The following GNAI1 variants were observed in gnomAD, a reference collection of about 807,000 sequenced individuals.
GNAI1 encodes G protein subunit alpha i1, also known as guanine nucleotide-binding protein G(i) subunit alpha-1.
In GNAI1, 11 loss-of-function variants were observed where a neutral mutation model predicts 38.9. The observed-to-expected ratio is 0.28, with a 90% CI of 0.18 to 0.47. The LOEUF is 0.47. GNAI1 is among the 20% of genes least tolerant of loss of function. GNAI1 has a pLI of 0.99. For missense variants in GNAI1, 317 were observed against 436.9 expected (o/e 0.73, Z 2.45); for synonymous variants, 166 against 145.1 (o/e 1.14, Z -1.04).
intron 3 of GNAI1, among the ~76,000 whole-genome samples, chr7:80,190,788 A>G (rs1788467089): frequency 6.6e-6 from 1 of 152,204 alleles, no homozygotes; most frequent in Non-Finnish European, 1.5e-5. Flanking sequence ...AAAGCGTTGT[A>G]GCCTCCATTT....
rs140567810 is a variant in GNAI1 at position 80,167,545 on chromosome 7, T to C, written c.119-21406T>C. Among the ~76,000 whole-genome samples the C allele has an allele frequency of 7.2e-5, 11 of 152,368 alleles. No homozygotes were observed. The East Asian group carries it at 2.1e-3, about 29-fold the overall frequency. ...TGTAGATAATAGTAACCTATTTTCA[T>C]ATATTTACTAAAAACCACTATAATA... On this transcript the variant is annotated intron_variant, in intron 1 of 7. Transcript: ENST00000649796.
intron 1 of GNAI1, among the ~76,000 whole-genome samples, chr7:80,149,723 CTAGA>C (rs758235534): frequency 1.4e-4 from 22 of 151,968 alleles, no homozygotes; most frequent in African/African-American, 2.4e-4. Context: ...ATTTTTTCAC[CTAGA>C]TAGATTGTTT....
Position 80,143,961 on chromosome 7 carries a change from TG to T in GNAI1, c.118+8684del, listed in dbSNP as rs1333174502. ...ATCTATATGTGTGCATATATGTGTG[TG>T]TGTGTATATATATAGTGAAGACTTC... On this transcript the variant is annotated intron_variant, in intron 1 of 7. Coordinates refer to ENST00000649796, the MANE Select transcript of GNAI1 (RefSeq NM_002069.6). Among the ~76,000 whole-genome samples the T allele has an allele frequency of 1.5e-4, 23 of 152,026 alleles. No individual in the cohort carries two copies. In the South Asian group the frequency reaches 4.1e-3, roughly 27 times the overall value.
rs762651359 is a variant in GNAI1, at chr7:80,221,463, C to T, written c.*3970C>T. Among the ~76,000 whole-genome samples the T allele has an allele frequency of 2.3e-4, 35 of 151,880 alleles. 1 individual carries two copies. Among genetic ancestry groups the T allele is most frequent in the South Asian group, 2.1e-4 (1 of 4,824 alleles). On this transcript the variant is annotated 3_prime_UTR_variant, in exon 8 of 8. Transcript: ENST00000649796. ...GTTGATACGTGCTTTGAATGAAATGCCTCAAAAACAAAACTCTCATAATTC... is the reference window on the plus strand; with the variant it reads ...GTTGATACGTGCTTTGAATGAAATGTCTCAAAAACAAAACTCTCATAATTC...
In GNAI1 at chr7:80,199,270, G is replaced by A; in HGVS notation, c.349G>A (p.Gly117Ser). 1 of 1,613,334 alleles carries A rather than the reference G, an allele frequency of 6.2e-7. No homozygotes were observed. Among genetic ancestry groups the A allele is most frequent in the Non-Finnish European group, 8.5e-7 (1 of 1,179,510 alleles). Residue 117 changes from glycine to serine, a missense_variant, in exon 4 of 8, where the codon GGC becomes AGC. By Grantham distance (56) the Gly-to-Ser change is moderately conservative. Transcript: ENST00000649796. ...TGTGCTAGCTGGAGCTGCTGAAGAA[G>A]GCTTTATGACTGCAGAACTTGCTGG... ...LFVLAGAAEEGFMTAELAGVI... is the reference protein window; with the variant it reads ...LFVLAGAAEESFMTAELAGVI...
chr7:80,169,371 C>T (rs530541563), intron 1 of GNAI1, among the ~76,000 whole-genome samples: 32 of 152,294 alleles, frequency 2.1e-4, no homozygotes, highest in African/African-American at 7.2e-4. Context: ...AAGTAATAGA[C>T]ATGTATCATT....
rs1787385080 is a variant in GNAI1, at chr7:80,135,100, T to C, written c.-61T>C. ...CGCTAGGAGAGAGAAAGGATTCCCC[T>C]GTGCTTGGAGCCCGCACTCGGGCGC... is the stretch of plus-strand genomic sequence containing the variant. On this transcript the variant is annotated 5_prime_UTR_variant, in exon 1 of 8. Transcript: ENST00000649796. The C allele has an allele frequency of 8.5e-7, 1 of 1,170,476 alleles. No individual in the cohort carries two copies. The highest frequency in any genetic ancestry group is 1.2e-6 in the Non-Finnish European group (1 of 856,266). 72.5% of individuals were successfully genotyped at this position (1,170,476 alleles called of 1,614,324 possible).
chr7:80,176,512 G>A (rs918919525), intron 1 of GNAI1, among the ~76,000 whole-genome samples: 1 of 152,212 alleles, frequency 6.6e-6, no homozygotes. Flanking sequence ...TAGCTAGAGA[G>A]GAAAAGTCAG....
intron 1 of GNAI1, among the ~76,000 whole-genome samples, chr7:80,172,705 T>A (rs1424156964): frequency 6.6e-6 from 1 of 152,196 alleles, no homozygotes; most frequent in Non-Finnish European, 1.5e-5. Flanking sequence ...TCCTCCGTAC[T>A]TAAGAATTAT....
At chr7:80,152,061 T>C (rs887137378) in intron 1 of GNAI1, among the ~76,000 whole-genome samples, 4 of 152,188 alleles carry the variant, frequency 2.6e-5, no homozygotes, top group Non-Finnish European at 5.9e-5. Context: ...ATACGCTATT[T>C]CCTTCAGTTT....
chr7:80,168,254 T>G (rs1261180254), intron 1 of GNAI1, among the ~76,000 whole-genome samples: 1 of 152,132 alleles, frequency 6.6e-6, no homozygotes, highest in African/African-American at 2.4e-5. Flanking sequence ...ATTTACTCGG[T>G]TTTTAAAAGA....
In GNAI1 at chr7:80,216,670, A is replaced by AGT. The variant is rs555566378; in HGVS notation, c.875-623_875-622dup. Among the ~76,000 whole-genome samples, 49 of 152,142 alleles carry AGT rather than the reference A, an allele frequency of 3.2e-4. No individual in the cohort carries two copies. The East Asian group carries it at 8.7e-3, about 27-fold the overall frequency. On this transcript the variant is annotated intron_variant, in intron 7 of 7. Coordinates refer to ENST00000649796, the MANE Select transcript of GNAI1 (RefSeq NM_002069.6). Reference sequence around the variant, plus strand: ...TCTAGAAACTGAATTGCGGGGTCAGAGTGTGTGTGTGATTATCTTTAGATA... The same window carrying AGT: ...TCTAGAAACTGAATTGCGGGGTCAGAGTGTGTGTGTGTGATTATCTTTAGATA...
At chr7:80,205,037 C>T (rs1024324526) in intron 5 of GNAI1, among the ~76,000 whole-genome samples, 1 of 152,078 alleles carries the variant, frequency 6.6e-6, no homozygotes, top group Non-Finnish European at 1.5e-5. Flanking sequence ...TTATAATTCA[C>T]ATTCATTTAA....
At chr7:80,135,366 A>G (rs1463639782) in intron 1 of GNAI1, 88 bp downstream of exon 1, 2 of 730,024 alleles carry the variant, frequency 2.7e-6, no homozygotes, top group African/African-American at 3.7e-5. Flanking sequence ...CCCGGAGGGA[A>G]GGGGGAGGAA....
intron 5 of GNAI1, among the ~76,000 whole-genome samples, chr7:80,206,954 C>T (rs1359423746): frequency 6.6e-6 from 1 of 152,016 alleles, no homozygotes; most frequent in Non-Finnish European, 1.5e-5. Flanking sequence ...CCACAGGTAA[C>T]TGAAACTGCA....
intron 1 of GNAI1, chr7:80,187,576 T>C (rs1393397051): frequency 6.6e-6 from 1 of 152,188 alleles, no homozygotes; most frequent in Non-Finnish European, 1.5e-5. Flanking sequence ...GCAGTGGGTG[T>C]TCCTGGAACT....
chr7:80,187,676 A>G (rs1310612340), intron 1 of GNAI1, among the ~76,000 whole-genome samples: 4 of 152,166 alleles, frequency 2.6e-5, no homozygotes, highest in East Asian at 3.9e-4. Flanking sequence ...ATGAAAATAT[A>G]GTGAAAATCC....
intron 1 of GNAI1, among the ~76,000 whole-genome samples, chr7:80,142,335 C>A (rs1202919414): frequency 6.6e-6 from 1 of 152,150 alleles, no homozygotes; most frequent in Non-Finnish European, 1.5e-5. Flanking sequence ...CTAAAAGCAC[C>A]AGTTTCTTAC....
In GNAI1 at chr7:80,203,821, T is replaced by G; in HGVS notation, c.579T>G (p.Asp193Glu). Residue 193 changes from aspartate to glutamate, a missense_variant, in exon 5 of 8, where the codon GAT (aspartate) becomes GAG (glutamate). Physicochemically the swap from Asp to Glu is conservative, Grantham distance 45. Transcript: ENST00000649796. The part of the protein sequence containing the change: ...GIVETHFTFK[D>E]LHFKMFDVGG... ...TTGAAACCCATTTTACTTTCAAAGA[T>G]CTTCATTTTAAGTGAGTAGCTTTGA... is the stretch of plus-strand genomic sequence containing the variant. 1 of 1,547,690 alleles carries G rather than the reference T, an allele frequency of 6.5e-7. No individual in the cohort carries two copies. The highest frequency in any genetic ancestry group is 2.3e-5 in the East Asian group (1 of 43,940).
Sources: allele counts gnomAD v4.1 joint callset (sites outside exome capture counted in the v4.1 genomes callset), GRCh38; gene constraint gnomAD v4.1.1; transcripts MANE v1.5; gene names NCBI Gene and HGNC (gene_info 2026-07-23, HGNC 2026-07-21).